IQCM: variants seen among roughly 807,000 people sequenced by gnomAD.
IQCM encodes the protein IQ motif containing M.
IQCM carries 45 observed loss-of-function variants against 57.6 expected under a neutral mutation model. That is an observed-to-expected ratio of 0.78 (90% CI 0.62 to 1.00). IQCM has a LOEUF of 1.00. Ranked by LOEUF, IQCM falls within the 50% of genes least tolerant of loss-of-function variation. The probability of loss-of-function intolerance (pLI) is 0.00; values close to 1 mark genes in which losing one functional copy is unlikely to be tolerated. For synonymous variants in IQCM, 148 were observed against 158.9 expected (o/e 0.93, Z 0.51); for missense variants, 468 against 511.6 (o/e 0.91, Z 0.82).
chr4:149,581,373 C>T (rs1272392971), intron 9 of IQCM, among the ~76,000 whole-genome samples: 2 of 151,194 alleles, frequency 1.3e-5, no homozygotes, highest in East Asian at 2.0e-4. Flanking sequence ...GGTGTCTTAC[C>T]TCCCTCATTG....
chr4:149,637,742 C>A (rs1757850028), intron 7 of IQCM, among the ~76,000 whole-genome samples: 1 of 152,058 alleles, frequency 6.6e-6, no homozygotes, highest in Non-Finnish European at 1.5e-5. Flanking sequence ...ATATCAAAGA[C>A]AAAGGTACCA....
Position 149,693,588 on chromosome 4 carries a change from A to C in IQCM, c.386-7120T>G, listed in dbSNP as rs559853895. On this transcript the variant is annotated intron_variant, in intron 5 of 13. Transcript: ENST00000636793. ...AGCAGCTTCTCCACTTGGATTCCTG[A>C]ATCCAACCATGAAACTCTAACCCAT... Among the ~76,000 whole-genome samples, 74 of 152,300 alleles carry C rather than the reference A, an allele frequency of 4.9e-4. 1 individual carries two copies. The South Asian group carries it at 0.015, about 32-fold the overall frequency.
intron 13 of IQCM, among the ~76,000 whole-genome samples, chr4:149,417,231 A>C (rs1349837975): frequency 6.6e-6 from 1 of 152,174 alleles, no homozygotes; most frequent in South Asian, 2.1e-4. Flanking sequence ...CAAGGACCCC[A>C]GTAGATCACA....
intron 12 of IQCM, among the ~76,000 whole-genome samples, chr4:149,493,028 G>A (rs1742260305): frequency 6.6e-6 from 1 of 152,046 alleles, no homozygotes; most frequent in Non-Finnish European, 1.5e-5. Flanking sequence ...ACATCAGGTG[G>A]TGGTGGGTAT....
chr4:149,356,725 C>T (rs865828445), intron 13 of IQCM, among the ~76,000 whole-genome samples: 13 of 151,704 alleles, frequency 8.6e-5, no homozygotes, highest in Admixed American at 2.6e-4. Context: ...CTTGGTAATG[C>T]GGGCTCTTTT....
intron 3 of IQCM, 22 bp from the exon 4 acceptor site, chr4:149,735,480 A>G: frequency 6.5e-6 from 7 of 1,078,178 alleles, no homozygotes; most frequent in Non-Finnish European, 8.3e-6. Flanking sequence ...ACAGAGAAAC[A>G]TTTTTTAAGC....
chr4:149,739,142 A>G (rs1399279775), intron 3 of IQCM, among the ~76,000 whole-genome samples: 1 of 152,112 alleles, frequency 6.6e-6, no homozygotes, highest in African/African-American at 2.4e-5. Flanking sequence ...TATGAAAACT[A>G]TACTTATAAC....
intron 2 of IQCM, among the ~76,000 whole-genome samples, chr4:149,744,011 C>A (rs901441172): frequency 6.6e-6 from 1 of 152,144 alleles, no homozygotes; most frequent in Non-Finnish European, 1.5e-5. Context: ...GAATTCAAAA[C>A]CTATTAAATA....
chr4:149,706,729 G>T (rs1300062287), intron 5 of IQCM, among the ~76,000 whole-genome samples: 1 of 151,874 alleles, frequency 6.6e-6, no homozygotes, highest in African/African-American at 2.4e-5. Context: ...TTACAAGAAT[G>T]CTGAATTTTA....
chr4:149,561,619 T>C (rs921459039), intron 10 of IQCM, among the ~76,000 whole-genome samples: 16 of 152,128 alleles, frequency 1.1e-4, no homozygotes, highest in Admixed American at 7.2e-4. Context: ...TTCATGGAGT[T>C]TGCAATCTAT....
intron 12 of IQCM, among the ~76,000 whole-genome samples, chr4:149,451,411 T>G (rs1478283460): frequency 6.6e-6 from 1 of 151,786 alleles, no homozygotes; most frequent in East Asian, 1.9e-4. Context: ...GTGATTATTA[T>G]GCATTGCATG....
chr4:149,654,501 C>T (rs534919621), intron 7 of IQCM, among the ~76,000 whole-genome samples: 27 of 152,272 alleles, frequency 1.8e-4, no homozygotes, highest in East Asian at 5.8e-4. Context: ...CTTCACCTTC[C>T]GCCATGAGTA....
At chr4:149,799,367 C>T (rs1159101902) in intron 2 of IQCM, among the ~76,000 whole-genome samples, 8 of 151,448 alleles carry the variant, frequency 5.3e-5, no homozygotes, top group Admixed American at 1.3e-4. Flanking sequence ...AAGTTTATAG[C>T]TATATGTGCC....
chr4:149,453,629 T>C (rs148589959), intron 12 of IQCM, among the ~76,000 whole-genome samples: 11 of 151,988 alleles, frequency 7.2e-5, no homozygotes, highest in African/African-American at 1.4e-4. Context: ...TTCAACATCA[T>C]AGTCATCAGG....
intron 12 of IQCM, among the ~76,000 whole-genome samples, chr4:149,456,482 C>T (rs569194974): frequency 6.6e-6 from 1 of 152,046 alleles, no homozygotes; most frequent in African/African-American, 2.4e-5. Flanking sequence ...ATACACATAT[C>T]CTGAAGGTAA....
intron 12 of IQCM, among the ~76,000 whole-genome samples, chr4:149,462,474 T>C (rs1011115691): frequency 9.3e-5 from 14 of 151,238 alleles, no homozygotes; most frequent in Admixed American, 9.2e-4. Flanking sequence ...GTTAGAGGAA[T>C]AGATGCAAAT....
chr4:149,655,597 G>C (rs568775833), intron 7 of IQCM, among the ~76,000 whole-genome samples: 11 of 152,154 alleles, frequency 7.2e-5, no homozygotes, highest in Admixed American at 6.6e-4. Flanking sequence ...CGTACCGATA[G>C]AGCAATATAA....
intron 7 of IQCM, among the ~76,000 whole-genome samples, chr4:149,630,070 T>G (rs1197856514): frequency 1.3e-5 from 2 of 152,202 alleles, no homozygotes; most frequent in Non-Finnish European, 2.9e-5. Flanking sequence ...AGAGACAGCC[T>G]GCTGTGTCAT....
At chr4:149,814,302 T>C (rs1774852504) in intron 2 of IQCM, among the ~76,000 whole-genome samples, 1 of 152,042 alleles carries the variant, frequency 6.6e-6, no homozygotes, top group Non-Finnish European at 1.5e-5. Flanking sequence ...TTCATGTTGA[T>C]AGTTCCATAT....
Sources: gnomAD v4.1 joint callset for allele counts (sites outside exome capture counted in the v4.1 genomes callset) on GRCh38, gnomAD v4.1.1 for gene constraint, MANE v1.5 for transcripts, NCBI Gene and HGNC (gene_info 2026-07-23, HGNC 2026-07-21) for gene names.